The following RBM26 variants were observed in gnomAD, a reference collection of about 807,000 sequenced individuals.
RBM26 encodes the protein RNA-binding protein 26.
RBM26 carries 30 observed loss-of-function variants against 123.6 expected under a neutral mutation model. The observed-to-expected ratio is 0.24, with a 90% CI of 0.18 to 0.33. The LOEUF is 0.33. Ranked by LOEUF, RBM26 falls within the 10% of genes least tolerant of loss-of-function variation. The probability of loss-of-function intolerance (pLI) is 1.00; values close to 1 mark genes in which losing one functional copy is unlikely to be tolerated. For synonymous variants in RBM26, 400 were observed against 404.4 expected (o/e 0.99, Z 0.13); for missense variants, 947 against 1,203.6 (o/e 0.79, Z 3.15).
At chr13:79,394,323 G>A (rs1482456758) in intron 1 of RBM26, among the ~76,000 whole-genome samples, 1 of 152,130 alleles carries the variant, frequency 6.6e-6, no homozygotes, top group African/African-American at 2.4e-5. Context: ...CCACCTACTT[G>A]CTTTTTGAGT....
chr13:79,328,404 C>T (rs924138873), intron 20 of RBM26, among the ~76,000 whole-genome samples: 2 of 151,520 alleles, frequency 1.3e-5, no homozygotes, highest in Non-Finnish European at 2.9e-5. Context: ...ACCCAACAGG[C>T]TTCCTATTTC....
rs572855262 is a variant in RBM26 at position 79,333,651 on chromosome 13, G to A, written c.2820+693C>T. The stretch of plus-strand genomic sequence containing the variant: ...ACAATTCCTGAAGAAAGAACACACA[G>A]GGCAAAAAAGGCTCCTATGAATCCC... On this transcript the variant is annotated intron_variant, in intron 20 of 21. Coordinates refer to ENST00000438737, the MANE Select transcript of RBM26 (RefSeq NM_001366735.2). Among the ~76,000 whole-genome samples, 18 of 151,932 alleles carry A rather than the reference G, an allele frequency of 1.2e-4. No homozygotes were observed. The East Asian group carries it at 3.3e-3, about 28-fold the overall frequency.
downstream of RBM26, among the ~76,000 whole-genome samples, chr13:79,317,429 G>T (rs553482250): frequency 4.7e-4 from 71 of 151,782 alleles, 2 homozygotes; most frequent in South Asian, 0.015. Flanking sequence ...TTATTTTACA[G>T]ACAAGGAAAC....
At chr13:79,374,486 CA>C (rs1241018402) in intron 3 of RBM26, among the ~76,000 whole-genome samples, 1 of 151,688 alleles carries the variant, frequency 6.6e-6, no homozygotes, top group Non-Finnish European at 1.5e-5. Flanking sequence ...GACTCCGTCT[CA>C]AAAAACAAAC....
chr13:79,315,234 A>AT (rs1341079852), downstream of RBM26, among the ~76,000 whole-genome samples: 1 of 151,818 alleles, frequency 6.6e-6, no homozygotes, highest in Non-Finnish European at 1.5e-5. Context: ...AGCATACAAC[A>AT]TATCTATGGT....
downstream of RBM26, among the ~76,000 whole-genome samples, chr13:79,317,157 T>A (rs2067224518): frequency 6.6e-6 from 1 of 151,720 alleles, no homozygotes; most frequent in Non-Finnish European, 1.5e-5. Context: ...CAGAAGTTCA[T>A]CTCTATTTTA....
chr13:79,378,921 C>A lies in RBM26; in HGVS notation c.72-14G>T. Reference sequence around the variant, plus strand: ...TCTGCATCACAGCTAAAGAAAAAAACCAATGTTGAAGAAAATTTAGCCAAC... The same window carrying A: ...TCTGCATCACAGCTAAAGAAAAAAAACAATGTTGAAGAAAATTTAGCCAAC... On this transcript the variant is annotated splice_polypyrimidine_tract_variant and intron_variant, in intron 1 of 21. Coordinates refer to ENST00000438737, the MANE Select transcript of RBM26 (RefSeq NM_001366735.2). The A allele has an allele frequency of 6.6e-7, 1 of 1,522,386 alleles. No individual in the cohort carries two copies. The allele number at this position is 1,522,386 out of a possible 1,614,324, so 94.3% of individuals were successfully genotyped here. A position where few individuals can be genotyped will look rare whatever the true frequency, so the allele number is the denominator to read the frequency against.
At chr13:79,318,851 C>G (rs1174648824), downstream of RBM26, 2 of 976,384 alleles carry the variant, frequency 2.0e-6, no homozygotes, top group African/African-American at 3.5e-5. Flanking sequence ...AAACGTGAGC[C>G]TCTGCCAATT....
chr13:79,346,536 C>G (rs1351033693), intron 14 of RBM26, among the ~76,000 whole-genome samples: 6 of 152,020 alleles, frequency 3.9e-5, no homozygotes, highest in African/African-American at 1.4e-4. Context: ...CCACACCCGG[C>G]TAATGTTTTG....
Position 79,340,343 on chromosome 13 carries a change from G to A in RBM26, c.2532+780C>T, listed in dbSNP as rs530728211. Among the ~76,000 whole-genome samples the A allele has an allele frequency of 3.1e-4, 47 of 152,040 alleles. 2 individuals carry two copies. In the South Asian group the frequency reaches 9.8e-3, roughly 32 times the overall value. On this transcript the variant is annotated intron_variant, in intron 18 of 21. Transcript: ENST00000438737. ...AATGTTAAGTCTTTAATACCTGGAT[G>A]GCAGTATTCAAAACAGATTTCTACC...
chr13:79,379,415 T>C (rs1354511166), intron 1 of RBM26, among the ~76,000 whole-genome samples: 1 of 148,226 alleles, frequency 6.7e-6, no homozygotes, highest in Non-Finnish European at 1.5e-5. Flanking sequence ...TGGTAGTGTG[T>C]GCCTGTAGTC....
intron 4 of RBM26, among the ~76,000 whole-genome samples, chr13:79,371,502 T>C (rs1439741693): frequency 6.6e-6 from 1 of 152,144 alleles, no homozygotes; most frequent in Non-Finnish European, 1.5e-5. Flanking sequence ...CATTGTATTC[T>C]AAGTGCTTTT....
At chr13:79,394,700 C>T (rs1468669382) in intron 1 of RBM26, among the ~76,000 whole-genome samples, 1 of 152,194 alleles carries the variant, frequency 6.6e-6, no homozygotes, top group Non-Finnish European at 1.5e-5. Context: ...GTGGCACCAG[C>T]TTGGCTCACT....
downstream of RBM26, among the ~76,000 whole-genome samples, chr13:79,315,820 C>T (rs1327703126): frequency 6.6e-6 from 1 of 151,596 alleles, no homozygotes; most frequent in Non-Finnish European, 1.5e-5. Context: ...AGTTTCTTTC[C>T]TAGGATTTTT....
chr13:79,363,326 T>A (rs1442546451), intron 9 of RBM26, among the ~76,000 whole-genome samples: 1 of 152,168 alleles, frequency 6.6e-6, no homozygotes, highest in Non-Finnish European at 1.5e-5. Flanking sequence ...AAGCTTTTTA[T>A]GTATCTGTCA....
chr13:79,360,224 A>C (rs1422240530), intron 9 of RBM26, among the ~76,000 whole-genome samples: 1 of 152,080 alleles, frequency 6.6e-6, no homozygotes, highest in East Asian at 1.9e-4. Context: ...GTATAGGAAA[A>C]AGCATAGTAT....
chr13:79,360,490 A>AAT (rs141926769), intron 9 of RBM26, among the ~76,000 whole-genome samples: 1,995 of 149,994 alleles, frequency 0.013, 45 homozygotes, highest in African/African-American at 0.044. Context: ...CCTCACCACA[A>AAT]ATATATATAT....
chr13:79,380,057 ATACTC>A (rs2076960756), intron 1 of RBM26, among the ~76,000 whole-genome samples: 1 of 152,202 alleles, frequency 6.6e-6, no homozygotes, highest in East Asian at 1.9e-4. Flanking sequence ...AGCTGATAGA[ATACTC>A]TGGTAGTATC....
chr13:79,315,235 T>C (rs2067036197), downstream of RBM26, among the ~76,000 whole-genome samples: 1 of 151,788 alleles, frequency 6.6e-6, no homozygotes, highest in African/African-American at 2.4e-5. Flanking sequence ...GCATACAACA[T>C]ATCTATGGTC....
Sources: gnomAD v4.1 joint callset for allele counts (sites outside exome capture counted in the v4.1 genomes callset) on GRCh38, gnomAD v4.1.1 for gene constraint, MANE v1.5 for transcripts, NCBI Gene and HGNC (gene_info 2026-07-23, HGNC 2026-07-21) for gene names.